The following PIP5K1C variants were observed in gnomAD, a reference collection of about 807,000 sequenced individuals.
PIP5K1C encodes phosphatidylinositol-4-phosphate 5-kinase type 1 gamma, also known as phosphatidylinositol 4-phosphate 5-kinase type-1 gamma.
PIP5K1C carries 45 observed loss-of-function variants against 80.1 expected under a neutral mutation model. That is an observed-to-expected ratio of 0.56 (90% CI 0.44 to 0.72). The LOEUF (loss-of-function observed/expected upper bound fraction) is 0.72, where lower values mean the gene tolerates loss of function less well. Ranked by LOEUF, PIP5K1C falls within the 30% of genes least tolerant of loss-of-function variation. PIP5K1C has a pLI of 0.00. For missense variants in PIP5K1C, 753 were observed against 954.6 expected (o/e 0.79, Z 2.78); for synonymous variants, 498 against 420.1 (o/e 1.19, Z -2.27).
chr19:3,686,949 T>C (rs932458732), intron 1 of PIP5K1C, among the ~76,000 whole-genome samples: 2 of 151,956 alleles, frequency 1.3e-5, no homozygotes, highest in Non-Finnish European at 2.9e-5. Flanking sequence ...TCCCAGCACT[T>C]TGGGAGGCCG....
rs929261305 is a variant in PIP5K1C, at chr19:3,688,489, C to G, written c.94+11808G>C. Among the ~76,000 whole-genome samples, 80 of 152,286 alleles carry G rather than the reference C, an allele frequency of 5.3e-4. No individual in the cohort carries two copies. Among genetic ancestry groups the G allele is most frequent in the African/African-American group, 1.9e-3 (80 of 41,558 alleles). On this transcript the variant is annotated intron_variant, in intron 1 of 17. Coordinates refer to ENST00000335312, the MANE Select transcript of PIP5K1C (RefSeq NM_012398.3). The surrounding 1 kb of genome is among the most constrained non-coding windows in gnomAD (Gnocchi z 5.3). ...ACTCTGGGGCACACACGTCCCCAGG[C>G]AGCTCCGGTGAGGCCACCCTCGCCC...
At position 3,631,796 on chromosome 19, in the gene PIP5K1C, T is replaced by C. The variant is rs1232416919; in HGVS notation, c.*1371A>G. 6.6e-6 allele frequency: 1 copy of C among 152,264 alleles called. No homozygotes were observed. The highest frequency in any genetic ancestry group is 1.9e-4 in the East Asian group (1 of 5,194). 9.4% of individuals were successfully genotyped at this position (152,264 alleles called of 1,614,324 possible). Reference sequence around the variant, plus strand: ...AACAGACAAAACACAGAGCCCTGCCTGGGAGGTTCTCCGGCCGTCTCAGAC... The same window carrying C: ...AACAGACAAAACACAGAGCCCTGCCCGGGAGGTTCTCCGGCCGTCTCAGAC... On this transcript the variant is annotated 3_prime_UTR_variant, in exon 18 of 18. Coordinates refer to ENST00000335312, the MANE Select transcript of PIP5K1C (RefSeq NM_012398.3).
At chr19:3,634,782 G>A (rs1039344622) in intron 16 of PIP5K1C, among the ~76,000 whole-genome samples, 1 of 152,184 alleles carries the variant, frequency 6.6e-6, no homozygotes, top group Non-Finnish European at 1.5e-5. Flanking sequence ...GCCCACCTCT[G>A]TGCTCACTCC....
intron 3 of PIP5K1C, 33 bp from the exon 4 acceptor site, chr19:3,662,034 C>G: frequency 6.4e-7 from 1 of 1,555,522 alleles, no homozygotes; most frequent in Non-Finnish European, 8.7e-7. Flanking sequence ...GGGCCCCCGG[C>G]TGCTCCCCAC....
At position 3,692,647 on chromosome 19, in the gene PIP5K1C, G is replaced by C. The variant is rs1266973107; in HGVS notation, c.94+7650C>G. On this transcript the variant is annotated intron_variant, in intron 1 of 17. Transcript: ENST00000335312. The surrounding 1 kb of genome is among the most constrained non-coding windows in gnomAD (Gnocchi z 5.2). ...CTCTGCCCTGGTTCCCCTAGCCCACGTCCCGCCCTCACCCCATCTGTCCTC... is the reference window on the plus strand; with the variant it reads ...CTCTGCCCTGGTTCCCCTAGCCCACCTCCCGCCCTCACCCCATCTGTCCTC... Among the ~76,000 whole-genome samples, 1 of 151,800 alleles carries C rather than the reference G, an allele frequency of 6.6e-6. No homozygotes were observed. The highest frequency in any genetic ancestry group is 1.5e-5 in the Non-Finnish European group (1 of 67,954).
chr19:3,666,082 C>G (rs370400137), intron 2 of PIP5K1C, among the ~76,000 whole-genome samples: 1 of 152,158 alleles, frequency 6.6e-6, no homozygotes, highest in African/African-American at 2.4e-5. Flanking sequence ...CCTCCACCCG[C>G]GCCACCCTCC....
intron 5 of PIP5K1C, among the ~76,000 whole-genome samples, chr19:3,659,157 T>C (rs1188075554): frequency 6.6e-6 from 1 of 152,092 alleles, no homozygotes; most frequent in Non-Finnish European, 1.5e-5. Context: ...ACCCTACCTG[T>C]CCCCACTCAA....
Position 3,661,850 on chromosome 19 carries a change from G to A in PIP5K1C, c.350+21C>T. The A allele has an allele frequency of 3.1e-6, 5 of 1,609,954 alleles. 1 individual carries two copies. The South Asian group carries it at 4.4e-5, about 14-fold the overall frequency. On this transcript the variant is annotated intron_variant, in intron 4 of 17. Coordinates refer to ENST00000335312, the MANE Select transcript of PIP5K1C (RefSeq NM_012398.3). ...CACGTGTGTGCTGGGTGAGCCCTGA[G>A]GCTCCGGGGGCCCGGCCCACCTGGG... is the stretch of plus-strand genomic sequence containing the variant.
At chr19:3,654,462 G>A (rs573942604) in intron 6 of PIP5K1C, among the ~76,000 whole-genome samples, 2 of 152,302 alleles carry the variant, frequency 1.3e-5, no homozygotes, top group Admixed American at 6.5e-5. Context: ...CCCCTGGGCC[G>A]AATCCGGCCA....
Position 3,637,430 on chromosome 19 carries a change from AAAC to A in PIP5K1C, c.1920+1451_1920+1453del. On this transcript the variant is annotated intron_variant, in intron 16 of 17. Transcript: ENST00000335312. The surrounding 1 kb of genome is among the most constrained non-coding windows in gnomAD (Gnocchi z 7.0). ...GTGATTTACCCAAAGCCCTTCTGGA[AAAC>A]AACTGACGTCAGACACTGAGCTTCC... 1 of 1,535,600 alleles carries A rather than the reference AAAC, an allele frequency of 6.5e-7. No individual in the cohort carries two copies. The highest frequency in any genetic ancestry group is 8.7e-7 in the Non-Finnish European group (1 of 1,146,784).
Position 3,656,402 on chromosome 19 carries a change from C to T in PIP5K1C, c.621+3G>A, listed in dbSNP as rs374079143. 2 of 1,613,244 alleles carry T rather than the reference C, an allele frequency of 1.2e-6. No homozygotes were observed. The highest frequency in any genetic ancestry group is 1.3e-5 in the African/African-American group (1 of 75,064). Reference sequence around the variant, plus strand: ...CATCTGCCCCGCAGGGCGGGCCACGCACCATGTAGTAGCCAGGGAGCAGCT... The same window carrying T: ...CATCTGCCCCGCAGGGCGGGCCACGTACCATGTAGTAGCCAGGGAGCAGCT... On this transcript the variant is annotated splice_donor_region_variant and intron_variant, in intron 6 of 17. Transcript: ENST00000335312.
At chr19:3,672,980 G>A (rs1056032189) in intron 1 of PIP5K1C, among the ~76,000 whole-genome samples, 1 of 149,658 alleles carries the variant, frequency 6.7e-6, no homozygotes, top group Non-Finnish European at 1.5e-5. Context: ...GGGGGCCGGG[G>A]AGAGCCCACG....
chr19:3,678,768 C>A (rs1480041513), intron 1 of PIP5K1C, among the ~76,000 whole-genome samples: 1 of 42,750 alleles, frequency 2.3e-5, no homozygotes. Flanking sequence ...GGCGGGATGG[C>A]AGGACGGAGG....
intron 1 of PIP5K1C, among the ~76,000 whole-genome samples, chr19:3,670,147 G>A (rs2035158434): frequency 6.6e-6 from 1 of 152,250 alleles, no homozygotes; most frequent in South Asian, 2.1e-4. Flanking sequence ...CGGCAGGTGG[G>A]GAGGGGGCCG....
At chr19:3,660,383 A>G (rs2034793685) in intron 5 of PIP5K1C, among the ~76,000 whole-genome samples, 1 of 151,728 alleles carries the variant, frequency 6.6e-6, no homozygotes, top group African/African-American at 2.4e-5. Flanking sequence ...CTGTCTCGAA[A>G]AAAAAAAAAG....
At chr19:3,640,022 G>A (rs1166249961) in intron 15 of PIP5K1C, among the ~76,000 whole-genome samples, 2 of 152,230 alleles carry the variant, frequency 1.3e-5, no homozygotes, top group East Asian at 1.9e-4. Flanking sequence ...ATGGCAAAGA[G>A]TTGACAGTGG....
intron 1 of PIP5K1C, among the ~76,000 whole-genome samples, chr19:3,678,638 G>GGAGGGAGAGATGGAGA (rs1168887434): frequency 1.5e-5 from 2 of 135,966 alleles, no homozygotes; most frequent in African/African-American, 5.7e-5. Flanking sequence ...ATGGAAGGAT[G>GGAGGGAGAGATGGAGA]GAGGGAGAGA....
chr19:3,650,756 C>A (rs981998477), intron 8 of PIP5K1C, among the ~76,000 whole-genome samples: 3 of 152,174 alleles, frequency 2.0e-5, no homozygotes, highest in Non-Finnish European at 4.4e-5. Flanking sequence ...TCTGTGGCAG[C>A]CACTTTTTTT....
chr19:3,669,240 GGGTGCGGCA>G (rs1237163190), intron 1 of PIP5K1C, among the ~76,000 whole-genome samples: 1 of 152,212 alleles, frequency 6.6e-6, no homozygotes, highest in Non-Finnish European at 1.5e-5. Context: ...GTGTGCAGGA[GGGTGCGGCA>G]GGTGCCCTGC....
Sources: allele counts gnomAD v4.1 joint callset (sites outside exome capture counted in the v4.1 genomes callset), GRCh38; gene constraint gnomAD v4.1.1; non-coding constraint Gnocchi (gnomAD v3.1); transcripts MANE v1.5; gene names NCBI Gene and HGNC (gene_info 2026-07-23, HGNC 2026-07-21).